SLC5A10: variants seen among roughly 807,000 people sequenced by gnomAD.
SLC5A10 encodes sodium/mannose cotransporter SLC5A10.
Under a neutral mutation model 68.9 loss-of-function variants are expected in SLC5A10, and 55 were observed. The ratio of observed to expected loss-of-function variants is 0.80; its 90% confidence interval spans 0.64 to 1.00. The LOEUF (loss-of-function observed/expected upper bound fraction) is 1.00, where lower values mean the gene tolerates loss of function less well. Ranked by LOEUF, SLC5A10 falls within the 50% of genes least tolerant of loss-of-function variation. The pLI is 0.00. For synonymous variants in SLC5A10, 344 were observed against 344.8 expected (o/e 1.00, Z 0.02); for missense variants, 732 against 819.3 (o/e 0.89, Z 1.30).
intron 9 of SLC5A10, chr17:18,977,753 G>T (rs747982022): frequency 1.2e-6 from 2 of 1,605,438 alleles, no homozygotes; most frequent in Non-Finnish European, 1.7e-6. Context: ...TGGCCCGTTG[G>T]CCACTTGCTC....
intron 9 of SLC5A10, 56 bp downstream of exon 9, chr17:18,977,045 C>T (rs1257015449): frequency 5.6e-6 from 9 of 1,596,990 alleles, no homozygotes; most frequent in Non-Finnish European, 7.7e-6. Context: ...GGTTCTGGGA[C>T]CTTGTCCTGC....
Position 19,015,086 on chromosome 17 carries a change from G to A in SLC5A10, c.1128G>A (p.Ala376=), listed in dbSNP as rs750903266. 5.0e-6 allele frequency: 8 copies of A among 1,613,714 alleles called. No homozygotes were observed. The highest frequency in any genetic ancestry group is 5.9e-6 in the Non-Finnish European group (7 of 1,179,780). Residue 376 remains alanine, a synonymous_variant, in exon 11 of 15, where the codon GCG becomes GCA. Transcript: ENST00000395645. ...TGATGATCGCAGTGATGCTGGCGGC[G>A]CTCATGTCGTCGCTGACCTCCATCT... is the stretch of plus-strand genomic sequence containing the variant. The part of the protein sequence containing the change: ...RGLMIAVMLA[A]LMSSLTSIFN...
chr17:18,997,767 C>CA (rs2043603801), intron 9 of SLC5A10, among the ~76,000 whole-genome samples: 1 of 152,182 alleles, frequency 6.6e-6, no homozygotes, highest in African/African-American at 2.4e-5. Context: ...CCAGACTACT[C>CA]ACAGAGAGAA....
intron 4 of SLC5A10, among the ~76,000 whole-genome samples, chr17:18,960,090 A>G (rs989162097): frequency 6.6e-6 from 1 of 151,080 alleles, no homozygotes; most frequent in Non-Finnish European, 1.5e-5. Flanking sequence ...ACCATCGTCG[A>G]CTCTGCCCAC....
Position 18,968,508 on chromosome 17 carries a change from G to A in SLC5A10, c.454-544G>A, listed in dbSNP as rs143367376. Among the ~76,000 whole-genome samples, 2 of 152,312 alleles carry A rather than the reference G, an allele frequency of 1.3e-5. No homozygotes were observed. Among genetic ancestry groups the A allele is most frequent in the African/African-American group, 4.8e-5 (2 of 41,568 alleles). ...AGGGGCTGTGTCCAGTCAGTGTGGA[G>A]ACCAGCTTCAGCCTGAGACCCAGCC... On this transcript the variant is annotated intron_variant, in intron 5 of 14. Coordinates refer to ENST00000395645, the MANE Select transcript of SLC5A10 (RefSeq NM_001042450.4). The surrounding 1 kb of genome is among the most constrained non-coding windows in gnomAD (Gnocchi z 4.1).
At chr17:18,982,968 C>G (rs77283946) in intron 9 of SLC5A10, among the ~76,000 whole-genome samples, 1 of 152,188 alleles carries the variant, frequency 6.6e-6, no homozygotes, top group Admixed American at 6.5e-5. Flanking sequence ...ACAGGTGGGG[C>G]CCTCCCAGGG....
In SLC5A10 at chr17:18,968,724, A is replaced by C; in HGVS notation, c.454-328A>C. 3.3e-6 allele frequency: 1 copy of C among 303,138 alleles called. No individual in the cohort carries two copies. The highest frequency in any genetic ancestry group is 6.1e-6 in the Non-Finnish European group (1 of 163,002). 18.8% of individuals were successfully genotyped at this position (303,138 alleles called of 1,614,324 possible). On this transcript the variant is annotated intron_variant, in intron 5 of 14. Transcript: ENST00000395645. The surrounding 1 kb of genome is among the most constrained non-coding windows in gnomAD (Gnocchi z 4.1). ...CAAACTCATCAAGGTGCCCCTGGGAACCGAGGGGACAGGGCTCTGCCTTTT... is the reference window on the plus strand; with the variant it reads ...CAAACTCATCAAGGTGCCCCTGGGACCCGAGGGGACAGGGCTCTGCCTTTT...
chr17:19,008,730 A>G (rs1597904401), intron 9 of SLC5A10, among the ~76,000 whole-genome samples: 1 of 151,554 alleles, frequency 6.6e-6, no homozygotes, highest in African/African-American at 2.4e-5. Flanking sequence ...CGATCTCCTG[A>G]CCTCGTGATC....
rs1196098649 is a variant in SLC5A10 at position 19,004,550 on chromosome 17, G to A, written c.983-8860G>A. ...CCGCAAACCGAGGGCTTCCGGGTAA[G>A]GGAGGGGTCTTAAAATTTCCGGGTG... On this transcript the variant is annotated intron_variant, in intron 9 of 14. Coordinates refer to ENST00000395645, the MANE Select transcript of SLC5A10 (RefSeq NM_001042450.4). This position sits in a 1 kb window ranked among gnomAD's most constrained non-coding sequence, Gnocchi z 5.4. Among the ~76,000 whole-genome samples the A allele has an allele frequency of 6.6e-6, 1 of 152,090 alleles. No individual in the cohort carries two copies. Among genetic ancestry groups the A allele is most frequent in the Admixed American group, 6.5e-5 (1 of 15,286 alleles).
At position 19,020,382 on chromosome 17, in the gene SLC5A10, C is replaced by T; in HGVS notation, c.1742C>T (p.Ala581Val). The T allele has an allele frequency of 6.2e-7, 1 of 1,614,142 alleles. No individual in the cohort carries two copies. The highest frequency in any genetic ancestry group is 8.5e-7 in the Non-Finnish European group (1 of 1,180,044). Reference sequence around the variant, plus strand: ...TGGGCCCGTGTCTGTGGCTTCAATGCCATCCTCCTCATGTGTGTCAACATA... The same window carrying T: ...TGGGCCCGTGTCTGTGGCTTCAATGTCATCCTCCTCATGTGTGTCAACATA... ...AFWARVCGFN[A>V]ILLMCVNIFF... The change falls in exon 15 of 15, where the codon GCC (alanine) becomes GTC (valine). Residue 581 changes from alanine to valine, a missense_variant. Coordinates refer to ENST00000395645, the MANE Select transcript of SLC5A10 (RefSeq NM_001042450.4).
At position 19,017,495 on chromosome 17, in the gene SLC5A10, C is replaced by T; in HGVS notation, c.1242-1928C>T. ...GCCTGGAGAGGAGGCCATCGCAGGG[C>T]CGGGTGCAGTACCATGCCGGTGACC... is the stretch of plus-strand genomic sequence containing the variant. On this transcript the variant is annotated intron_variant, in intron 11 of 14. Coordinates refer to ENST00000395645, the MANE Select transcript of SLC5A10 (RefSeq NM_001042450.4). This position sits in a 1 kb window ranked among gnomAD's most constrained non-coding sequence, Gnocchi z 5.6. 1 of 1,112,468 alleles carries T rather than the reference C, an allele frequency of 9.0e-7. No individual in the cohort carries two copies. The highest frequency in any genetic ancestry group is 1.3e-6 in the Non-Finnish European group (1 of 757,808). 68.9% of individuals were successfully genotyped at this position (1,112,468 alleles called of 1,614,324 possible).
intron 3 of SLC5A10, 67 bp downstream of exon 3, chr17:18,959,306 G>A: frequency 6.6e-7 from 1 of 1,510,418 alleles, no homozygotes; most frequent in East Asian, 2.3e-5. Context: ...AGCACTGGAG[G>A]GGGACAGCTC....
At chr17:18,964,258 C>G (rs1055073023) in intron 5 of SLC5A10, among the ~76,000 whole-genome samples, 5 of 152,176 alleles carry the variant, frequency 3.3e-5, no homozygotes, top group African/African-American at 1.2e-4. Flanking sequence ...AGAATCTATG[C>G]CAGGGGTCAG....
intron 1 of SLC5A10, among the ~76,000 whole-genome samples, chr17:18,954,957 G>T (rs1409317793): frequency 6.6e-6 from 1 of 151,844 alleles, no homozygotes; most frequent in Admixed American, 6.6e-5. Flanking sequence ...GTGGTGCCAG[G>T]CGCCTGTAAT....
chr17:18,983,057 C>T (rs919542166), intron 9 of SLC5A10, among the ~76,000 whole-genome samples: 5 of 152,214 alleles, frequency 3.3e-5, no homozygotes, highest in Non-Finnish European at 7.3e-5. Flanking sequence ...CAGAGGACCA[C>T]AAAACATCCA....
chr17:18,990,465 A>G (rs914910989), intron 9 of SLC5A10, among the ~76,000 whole-genome samples: 1 of 152,164 alleles, frequency 6.6e-6, no homozygotes, highest in East Asian at 1.9e-4. Flanking sequence ...CCTGGAAAGG[A>G]GCCTAATGAG....
intron 9 of SLC5A10, chr17:18,979,414 G>A (rs893966060): frequency 3.8e-6 from 4 of 1,060,412 alleles, no homozygotes; most frequent in Non-Finnish European, 5.4e-6. Context: ...GCGGGCAGAT[G>A]TGCTCCAGCC....
chr17:18,981,777 C>T (rs915460573), intron 9 of SLC5A10, among the ~76,000 whole-genome samples: 2 of 152,242 alleles, frequency 1.3e-5, no homozygotes, highest in African/African-American at 4.8e-5. Context: ...CGGCCCCCCA[C>T]CCCGCAGGCT....
Position 18,971,883 on chromosome 17 carries a change from C to T in SLC5A10, c.846+665C>T. 1.1e-6 allele frequency: 1 copy of T among 901,748 alleles called. No homozygotes were observed. The highest frequency in any genetic ancestry group is 1.6e-6 in the Non-Finnish European group (1 of 611,880). The allele number at this position is 901,748 out of a possible 1,614,324, so 55.9% of individuals were successfully genotyped here. ...GCTCTGCCATTCACCAGGGAGTGGG[C>T]CTAGACCAGTTGGTTTAGTCACTCG... On this transcript the variant is annotated intron_variant, in intron 8 of 14. Transcript: ENST00000395645. The surrounding 1 kb of genome is among the most constrained non-coding windows in gnomAD (Gnocchi z 5.5).
Sources: allele counts gnomAD v4.1 joint callset (sites outside exome capture counted in the v4.1 genomes callset), GRCh38; gene constraint gnomAD v4.1.1; non-coding constraint Gnocchi (gnomAD v3.1); transcripts MANE v1.5; gene names NCBI Gene and HGNC (gene_info 2026-07-23, HGNC 2026-07-21).